CDC42SE2: variants seen among roughly 807,000 people sequenced by gnomAD.
CDC42SE2 encodes the protein CDC42 small effector 2.
A neutral mutation model predicts 11.5 loss-of-function variants in CDC42SE2; 3 were observed. The observed-to-expected ratio is 0.26, with a 90% confidence interval of 0.12 to 0.67. The LOEUF is 0.67. CDC42SE2 is among the 30% of genes least tolerant of loss of function. CDC42SE2 has a pLI of 0.80. For missense variants in CDC42SE2, 82 were observed against 106.8 expected, an observed-to-expected ratio of 0.77 and a Z score of 1.02; for synonymous variants, 33 against 34.8, an observed-to-expected ratio of 0.95 and a Z score of 0.18.
At chr5:131,249,749 G>A (rs1437240735) in intron 1 of CDC42SE2, among the ~76,000 whole-genome samples, 1 of 152,194 alleles carries the variant, frequency 6.6e-6, no homozygotes, top group Non-Finnish European at 1.5e-5. Context: ...TGGGTGTGGT[G>A]GTGCATGCCT....
At chr5:131,211,277 C>A in the CDC42SE2 span, among the ~76,000 whole-genome samples, 20 of 152,296 alleles carry the variant, frequency 1.3e-4, no homozygotes, top group Middle Eastern at 3.4e-3. Flanking sequence ...TGTTTATCCA[C>A]CCCATGTATT....
intron 2 of CDC42SE2, among the ~76,000 whole-genome samples, chr5:131,339,785 G>A (rs1245983868): frequency 3.4e-5 from 5 of 147,140 alleles, no homozygotes; most frequent in Non-Finnish European, 7.4e-5. Context: ...ACTCTAGCCT[G>A]AATGACAGAG....
At chr5:131,325,013 T>C (rs1758267058) in intron 2 of CDC42SE2, among the ~76,000 whole-genome samples, 1 of 152,332 alleles carries the variant, frequency 6.6e-6, no homozygotes, top group South Asian at 2.1e-4. Flanking sequence ...TTGTTAAATA[T>C]ATTCTCTGAA....
upstream of CDC42SE2, chr5:131,264,038 CG>C (rs1756795390): frequency 6.6e-6 from 1 of 151,696 alleles, no homozygotes; most frequent in South Asian, 2.1e-4. Context: ...CGAGCCTGGG[CG>C]GGGAGGGGGA....
chr5:131,305,386 G>A (rs1757759836), intron 1 of CDC42SE2, among the ~76,000 whole-genome samples: 1 of 152,214 alleles, frequency 6.6e-6, no homozygotes. Flanking sequence ...GAGCTCTGCT[G>A]TGCAACCTGG....
At chr5:131,211,847 G>T in the CDC42SE2 span, among the ~76,000 whole-genome samples, 9 of 151,850 alleles carry the variant, frequency 5.9e-5, no homozygotes, top group Middle Eastern at 3.4e-3. Flanking sequence ...AGCCGGGCTC[G>T]GTGGCACGTG....
chr5:131,268,124 G>A (rs1410845315), intron 1 of CDC42SE2, among the ~76,000 whole-genome samples: 1 of 137,760 alleles, frequency 7.3e-6, no homozygotes, highest in Non-Finnish European at 1.5e-5. Flanking sequence ...GTGCAATGGC[G>A]CAATCTCGGC....
chr5:131,376,844 G>C (rs144216073), intron 3 of CDC42SE2, among the ~76,000 whole-genome samples: 1 of 152,216 alleles, frequency 6.6e-6, no homozygotes, highest in African/African-American at 2.4e-5. Flanking sequence ...TGGTTGTGTG[G>C]TATTCCATGG....
At chr5:131,326,035 A>G (rs1758294420) in intron 2 of CDC42SE2, among the ~76,000 whole-genome samples, 1 of 152,138 alleles carries the variant, frequency 6.6e-6, no homozygotes, top group Admixed American at 6.5e-5. Context: ...TTAACGTCTG[A>G]GTATTTTAAA....
chr5:131,249,754 A>G (rs1332862687), intron 1 of CDC42SE2, among the ~76,000 whole-genome samples: 2 of 152,200 alleles, frequency 1.3e-5, no homozygotes, highest in African/African-American at 2.4e-5. Flanking sequence ...GTGGTGGTGC[A>G]TGCCTGTAGT....
chr5:131,260,168 A>G (rs949834362), upstream of CDC42SE2, among the ~76,000 whole-genome samples: 1 of 152,234 alleles, frequency 6.6e-6, no homozygotes, highest in Non-Finnish European at 1.5e-5. Flanking sequence ...TGGTCTTATT[A>G]AACTAGAAGA....
chr5:131,314,301 A>G (rs1757994309), intron 1 of CDC42SE2, among the ~76,000 whole-genome samples: 2 of 149,570 alleles, frequency 1.3e-5, no homozygotes, highest in South Asian at 4.2e-4. Context: ...GCACAATCAT[A>G]GCTCACTGTA....
intron 3 of CDC42SE2, among the ~76,000 whole-genome samples, chr5:131,377,999 C>T (rs1332069607): frequency 1.3e-5 from 2 of 152,194 alleles, no homozygotes; most frequent in Non-Finnish European, 2.9e-5. Flanking sequence ...GTGTCAGGCA[C>T]AGCTACTGTT....
the CDC42SE2 span, among the ~76,000 whole-genome samples, chr5:131,212,005 A>G: frequency 5.5e-4 from 83 of 151,832 alleles, no homozygotes; most frequent in Middle Eastern, 3.4e-3. Flanking sequence ...ACAGAGTGAG[A>G]CCCTAGCTCA....
intron 2 of CDC42SE2, among the ~76,000 whole-genome samples, chr5:131,333,342 C>T (rs1561587704): frequency 6.6e-6 from 1 of 152,146 alleles, no homozygotes; most frequent in Non-Finnish European, 1.5e-5. Flanking sequence ...TGTTTTGGTA[C>T]CAGTACCATG....
intron 2 of CDC42SE2, among the ~76,000 whole-genome samples, chr5:131,352,359 A>C (rs1239315588): frequency 6.6e-6 from 1 of 152,204 alleles, no homozygotes; most frequent in Non-Finnish European, 1.5e-5. Context: ...TCTACTTAGC[A>C]ATAAAAAATA....
chr5:131,218,193 AAG>A, the CDC42SE2 span, among the ~76,000 whole-genome samples: 10 of 149,606 alleles, frequency 6.7e-5, no homozygotes, highest in East Asian at 1.9e-3. Flanking sequence ...AAAAAAAAAA[AAG>A]AGGAAGAAGA....
At chr5:131,300,968 C>G (rs555167765) in intron 1 of CDC42SE2, among the ~76,000 whole-genome samples, 1 of 152,108 alleles carries the variant, frequency 6.6e-6, no homozygotes, top group Non-Finnish European at 1.5e-5. Flanking sequence ...TACATTCTTA[C>G]AATAATTCTC....
chr5:131,252,293 C>T (rs1756646633), intron 1 of CDC42SE2, among the ~76,000 whole-genome samples: 1 of 152,192 alleles, frequency 6.6e-6, no homozygotes, highest in Non-Finnish European at 1.5e-5. Flanking sequence ...AACATCTACT[C>T]TTAAAGCAAC....
Sources: allele counts gnomAD v4.1 joint callset (sites outside exome capture counted in the v4.1 genomes callset), GRCh38; gene constraint gnomAD v4.1.1; transcripts MANE v1.5; gene names NCBI Gene and HGNC (gene_info 2026-07-23, HGNC 2026-07-21).